MYH11: variants seen among roughly 807,000 people sequenced by gnomAD.
MYH11 encodes the protein myosin-11.
A neutral mutation model predicts 246.6 loss-of-function variants in MYH11; 80 were observed. The observed-to-expected ratio is 0.32, with a 90% CI of 0.27 to 0.39. The LOEUF is 0.39. Ranked by LOEUF, MYH11 falls within the 10% of genes least tolerant of loss-of-function variation. The pLI, the probability that MYH11 is intolerant of heterozygous loss-of-function variation, is 1.00. For synonymous variants in MYH11, 1,071 were observed against 1,015.5 expected (o/e 1.05, Z -1.04); for missense variants, 2,158 against 2,546.8 (o/e 0.85, Z 3.29).
chr16:15,718,693 C>T lies in MYH11; in HGVS notation c.5172-255G>A, dbSNP rs148305743. On this transcript the variant is annotated intron_variant, in intron 36 of 40. Coordinates refer to ENST00000300036, the MANE Select transcript of MYH11 (RefSeq NM_002474.3). ...TCCTCCCTGACTCTTCCTGGCCTCC[C>T]CTTCTCCCCACACAGCTACTTATTG... 980 of 574,484 alleles carry T rather than the reference C, an allele frequency of 1.7e-3. 7 individuals are homozygous for T. Among genetic ancestry groups the T allele is most frequent in the African/African-American group, 0.016 (868 of 53,496 alleles). 35.6% of individuals were successfully genotyped at this position (574,484 alleles called of 1,614,324 possible).
chr16:15,810,615 C>G (rs1338321890), intron 3 of MYH11, among the ~76,000 whole-genome samples: 1 of 152,080 alleles, frequency 6.6e-6, no homozygotes, highest in African/African-American at 2.4e-5. Flanking sequence ...TTTGGCTGTA[C>G]CCCTTCCTGG....
At chr16:15,719,472 G>C in intron 35 of MYH11, 113 bp downstream of exon 35, 2 of 1,552,842 alleles carry the variant, frequency 1.3e-6, no homozygotes, top group South Asian at 2.2e-5. Flanking sequence ...TTTCTAGACA[G>C]GTGGACCCCA....
At chr16:15,798,608 T>TAACAAAAAAAA in intron 4 of MYH11, 52 bp downstream of exon 4, 1 of 1,036,156 alleles carries the variant, frequency 9.7e-7, no homozygotes, top group East Asian at 2.9e-5. Context: ...GACTACAGAT[T>TAACAAAAAAAA]AAAAAAAAAA....
intron 14 of MYH11, 102 bp from the exon 15 acceptor site, chr16:15,753,610 G>T: frequency 3.3e-6 from 3 of 898,916 alleles, no homozygotes; most frequent in Non-Finnish European, 5.5e-6. Flanking sequence ...ATCTTCTGAG[G>T]TCAGAGAGGA....
At chr16:15,759,840 T>C (rs1235275375) in intron 11 of MYH11, 112 bp from the exon 12 acceptor site, 1 of 1,377,680 alleles carries the variant, frequency 7.3e-7, no homozygotes, top group Non-Finnish European at 1.0e-6. Flanking sequence ...ACTCACACTG[T>C]AATCCCAGCA....
intron 36 of MYH11, 46 bp downstream of exon 36, chr16:15,719,174 C>T (rs1397896765): frequency 1.9e-6 from 3 of 1,568,840 alleles, no homozygotes; most frequent in African/African-American, 1.3e-5. Context: ...CTGCCTGTCC[C>T]CCCATCCTCT....
chr16:15,809,629 A>G (rs1003485922), intron 3 of MYH11, among the ~76,000 whole-genome samples: 2 of 151,838 alleles, frequency 1.3e-5, no homozygotes, highest in South Asian at 4.2e-4. Flanking sequence ...GCAATTTAAC[A>G]AGGAAGGTGC....
chr16:15,714,552 G>A lies in MYH11; in HGVS notation c.5786+357C>T, dbSNP rs2040007557. On this transcript the variant is annotated intron_variant, in intron 40 of 40. Transcript: ENST00000300036. ...ATGTCAGGAAGGAGGTGAAGTGGCG[G>A]GGGGTGGTGTTGCAGCTTCAATGGA... 4 of 417,374 alleles carry A rather than the reference G, an allele frequency of 9.6e-6. 1 individual carries two copies. The South Asian group carries it at 1.0e-4, about 10-fold the overall frequency. 25.9% of individuals were successfully genotyped at this position (417,374 alleles called of 1,614,324 possible).
At chr16:15,715,616 T>C (rs1421179109) in intron 38 of MYH11, among the ~76,000 whole-genome samples, 1 of 152,052 alleles carries the variant, frequency 6.6e-6, no homozygotes, top group African/African-American at 2.4e-5. Context: ...TTACAGGGCA[T>C]GGGGTTTCTA....
At chr16:15,825,580 T>C (rs909157680) in intron 2 of MYH11, among the ~76,000 whole-genome samples, 3 of 151,944 alleles carry the variant, frequency 2.0e-5, no homozygotes, top group Non-Finnish European at 2.9e-5. Context: ...CTGTACAACA[T>C]TGTGAATGCA....
At chr16:15,800,049 C>T (rs996418001) in intron 3 of MYH11, among the ~76,000 whole-genome samples, 2 of 144,622 alleles carry the variant, frequency 1.4e-5, no homozygotes, top group Admixed American at 6.9e-5. Flanking sequence ...GATGAATAGA[C>T]AGATGGACGG....
In MYH11 at chr16:15,718,306, G is replaced by A. The variant is rs199798923; in HGVS notation, c.5295+9C>T. 27 of 1,608,254 alleles carry A rather than the reference G, an allele frequency of 1.7e-5. No individual in the cohort carries two copies. The highest frequency in any genetic ancestry group is 6.7e-5 in the East Asian group (3 of 44,858). ...GGCAGCGTGACTGTGGTGTCCAGGCGGCCCTCACCTGCTGTGTGGCTTTGC... is the reference window on the plus strand; with the variant it reads ...GGCAGCGTGACTGTGGTGTCCAGGCAGCCCTCACCTGCTGTGTGGCTTTGC... On this transcript the variant is annotated intron_variant, in intron 37 of 40. Transcript: ENST00000300036.
intron 5 of MYH11, 174 bp downstream of exon 5, chr16:15,786,456 C>A: frequency 2.5e-6 from 2 of 784,530 alleles, no homozygotes; most frequent in Non-Finnish European, 4.7e-6. Context: ...AAGAAATCAC[C>A]CACACTCAAC....
At chr16:15,717,998 C>G in intron 37 of MYH11, 1 of 453,256 alleles carries the variant, frequency 2.2e-6, no homozygotes, top group South Asian at 2.1e-5. Flanking sequence ...TGGATAAGGT[C>G]AGAGCTTCAG....
chr16:15,773,154 T>C (rs999070569), intron 8 of MYH11, among the ~76,000 whole-genome samples: 5 of 152,232 alleles, frequency 3.3e-5, no homozygotes, highest in Middle Eastern at 6.8e-3. Context: ...TTTGGCCTAT[T>C]GGAAGACCAG....
At chr16:15,847,825 A>AC (rs1191687663) in intron 1 of MYH11, among the ~76,000 whole-genome samples, 5 of 152,174 alleles carry the variant, frequency 3.3e-5, no homozygotes, top group Non-Finnish European at 7.4e-5. Flanking sequence ...AGACAGCAAG[A>AC]TGGGGGATGA....
In MYH11 at chr16:15,748,057, ACTC is replaced by A; in HGVS notation, c.2167_2169del (p.Glu723del). On this transcript the variant is annotated inframe_deletion, in exon 17 of 41. Transcript: ENST00000300036. ...GACCTTGGGACTTACCGTTGGCGGAACTCCTGGAAGACGATCCGGTTGGGGAAG... is the reference window on the plus strand; with the variant it reads ...GACCTTGGGACTTACCGTTGGCGGAACTGGAAGACGATCCGGTTGGGGAAG... 6.2e-7 allele frequency: 1 copy of A among 1,614,048 alleles called. No individual in the cohort carries two copies. Among genetic ancestry groups the A allele is most frequent in the Non-Finnish European group, 8.5e-7 (1 of 1,180,018 alleles).
chr16:15,721,769 G>T, intron 31 of MYH11, 135 bp from the exon 32 acceptor site: 1 of 856,354 alleles, frequency 1.2e-6, no homozygotes, highest in Non-Finnish European at 1.9e-6. Context: ...TTAGCTATGG[G>T]AGTAATTTAT....
intron 15 of MYH11, among the ~76,000 whole-genome samples, chr16:15,752,523 C>A (rs920451924): frequency 2.6e-5 from 4 of 152,156 alleles, no homozygotes; most frequent in African/African-American, 9.7e-5. Context: ...CCGCCCCATC[C>A]CTGGCCCCAG....
Sources: allele counts gnomAD v4.1 joint callset (sites outside exome capture counted in the v4.1 genomes callset), GRCh38; gene constraint gnomAD v4.1.1; transcripts MANE v1.5; gene names NCBI Gene and HGNC (gene_info 2026-07-23, HGNC 2026-07-21).